Variants in GCN1 observed in about 807,000 individuals in gnomAD.
The protein encoded by GCN1 is stalled ribosome sensor GCN1.
GCN1 carries 90 observed loss-of-function variants against 288.4 expected under a neutral mutation model. The ratio of observed to expected loss-of-function variants is 0.31; its 90% confidence interval spans 0.26 to 0.37. GCN1 has a LOEUF of 0.37. Among genes scored for constraint, GCN1 ranks in the 10% least tolerant of loss-of-function variants. The probability of loss-of-function intolerance (pLI) is 1.00; values close to 1 mark genes in which losing one functional copy is unlikely to be tolerated. For missense variants in GCN1, 2,586 were observed against 3,419.9 expected, an observed-to-expected ratio of 0.76 and a Z score of 6.08; for synonymous variants, 1,386 against 1,420.2, an observed-to-expected ratio of 0.98 and a Z score of 0.54.
intron 1 of GCN1, among the ~76,000 whole-genome samples, chr12:120,193,411 T>G (rs1879070555): frequency 6.6e-6 from 1 of 152,140 alleles, no homozygotes; most frequent in Non-Finnish European, 1.5e-5. Context: ...GTTCAAGCGA[T>G]TCTCATGCCT....
chr12:120,161,343 C>T, intron 22 of GCN1, 147 bp downstream of exon 22: 1 of 636,046 alleles, frequency 1.6e-6, no homozygotes. Flanking sequence ...TGTGCCAGTG[C>T]ACCAGACACT....
intron 33 of GCN1, among the ~76,000 whole-genome samples, chr12:120,152,413 A>AAATATATATATATAAATATATATATATTT (rs1877590617): frequency 7.5e-6 from 1 of 132,934 alleles, no homozygotes; most frequent in African/African-American, 2.9e-5. Flanking sequence ...ACACACACAA[A>AAATATATATATATAAATATATATATATTT]ATATATATAT....
intron 14 of GCN1, among the ~76,000 whole-genome samples, chr12:120,172,511 GTTTC>G (rs1281836405): frequency 2.6e-5 from 4 of 152,094 alleles, no homozygotes; most frequent in South Asian, 4.1e-4. Flanking sequence ...TCTCCTAGAT[GTTTC>G]TTTTTCTTTT....
Position 120,161,995 on chromosome 12 carries a change from T to A in GCN1, c.2227A>T (p.Ile743Phe). ...LSPDRVLPQLISTITASVQNP... is the reference protein window; with the variant it reads ...LSPDRVLPQLFSTITASVQNP... ...TGCACGGAGGCAGTGATGGTGCTGA[T>A]GAGCTGTGGGAGGACCCGGTCCGGC... The change falls in exon 21 of 58, where the codon ATC becomes TTC. Residue 743 changes from isoleucine to phenylalanine, a missense_variant. Ile to Phe is a conservative substitution (Grantham distance 21). Transcript: ENST00000300648. The A allele has an allele frequency of 6.2e-7, 1 of 1,612,786 alleles. No homozygotes were observed.
At chr12:120,165,261 TCCTGG>T (rs1238249900) in intron 16 of GCN1, among the ~76,000 whole-genome samples, 1 of 152,094 alleles carries the variant, frequency 6.6e-6, no homozygotes, top group African/African-American at 2.4e-5. Context: ...GGTCTCGATC[TCCTGG>T]CCTCGTGATC....
At position 120,158,206 on chromosome 12, in the gene GCN1, A is replaced by G. The variant is rs1194799391; in HGVS notation, c.2906-176T>C. On this transcript the variant is annotated intron_variant, in intron 25 of 57. Coordinates refer to ENST00000300648, the MANE Select transcript of GCN1 (RefSeq NM_006836.2). The surrounding 1 kb of genome is among the most constrained non-coding windows in gnomAD (Gnocchi z 4.3). Reference sequence around the variant, plus strand: ...AGCTGGTAGTCCAGTTCTAAAACCAATTCTGCTTCTACTGCCAAACACTGC... The same window carrying G: ...AGCTGGTAGTCCAGTTCTAAAACCAGTTCTGCTTCTACTGCCAAACACTGC... Among the ~76,000 whole-genome samples the G allele has an allele frequency of 1.3e-5, 2 of 152,194 alleles. No individual in the cohort carries two copies. Among genetic ancestry groups the G allele is most frequent in the Non-Finnish European group, 2.9e-5 (2 of 68,026 alleles).
rs1877619292 is a variant in GCN1, at chr12:120,153,061, G to C, written c.4062+152C>G. 4 of 634,722 alleles carry C rather than the reference G, an allele frequency of 6.3e-6. No homozygotes were observed. The highest frequency in any genetic ancestry group is 1.1e-5 in the Non-Finnish European group (4 of 365,626). The allele number at this position is 634,722 out of a possible 1,614,324, so 39.3% of individuals were successfully genotyped here. On this transcript the variant is annotated intron_variant, in intron 33 of 57. Transcript: ENST00000300648. This position sits in a 1 kb window ranked among gnomAD's most constrained non-coding sequence, Gnocchi z 4.4. Reference sequence around the variant, plus strand: ...AGGAGTGTTCCTGACTATAAACCAGGCTCTCCCCTGCGAGAGGGGGTGAAT... The same window carrying C: ...AGGAGTGTTCCTGACTATAAACCAGCCTCTCCCCTGCGAGAGGGGGTGAAT...
rs1367259784 is a variant in GCN1 at position 120,173,773 on chromosome 12, G to A, written c.1246C>T (p.Arg416Ter). 1 of 1,613,686 alleles carries A rather than the reference G, an allele frequency of 6.2e-7. No individual in the cohort carries two copies. Among genetic ancestry groups the A allele is most frequent in the Non-Finnish European group, 8.5e-7 (1 of 1,179,590 alleles). Reference sequence around the variant, plus strand: ...TTCTTGGGCACTTCCATAGTGAATCGGTTACACCAGAGAGCCAGGACTGAG... The same window carrying A: ...TTCTTGGGCACTTCCATAGTGAATCAGTTACACCAGAGAGCCAGGACTGAG... The part of the protein sequence containing the change: ...AVSVLALWCN[R>*]FTMEVPKKLT... The change falls in exon 14 of 58, where the codon CGA becomes TGA. Residue 416 changes from arginine to a stop codon, truncating the protein, a stop_gained. Transcript: ENST00000300648. LOFTEE classifies it high-confidence loss of function.
At chr12:120,176,433 T>G (rs977131220) in intron 9 of GCN1, among the ~76,000 whole-genome samples, 2 of 152,166 alleles carry the variant, frequency 1.3e-5, no homozygotes, top group Non-Finnish European at 2.9e-5. Context: ...CAACACATTT[T>G]ACTAAGATAC....
Position 120,190,263 on chromosome 12 carries a change from A to T in GCN1, c.121+35T>A, listed in dbSNP as rs570589277. On this transcript the variant is annotated intron_variant, in intron 2 of 57. Transcript: ENST00000300648. ...AAAAAGAAAGAAAGAAAAACAATGAATATTGTCCAGGGTATGTGGATGAAA... is the reference window on the plus strand; with the variant it reads ...AAAAAGAAAGAAAGAAAAACAATGATTATTGTCCAGGGTATGTGGATGAAA... 5.8e-6 allele frequency: 6 copies of T among 1,038,964 alleles called. No homozygotes were observed. In the East Asian group the frequency reaches 1.2e-4, roughly 20 times the overall value. The allele number at this position is 1,038,964 out of a possible 1,614,324, so 64.4% of individuals were successfully genotyped here.
chr12:120,140,012 A>G (rs1214648295), intron 45 of GCN1, among the ~76,000 whole-genome samples: 2 of 152,252 alleles, frequency 1.3e-5, no homozygotes, highest in African/African-American at 4.8e-5. Context: ...ACAAGAACTC[A>G]GCCTCTGTGG....
Position 120,137,637 on chromosome 12 carries a change from G to A in GCN1, c.6571C>T (p.Arg2191Trp), listed in dbSNP as rs372488405. 8 of 1,613,928 alleles carry A rather than the reference G, an allele frequency of 5.0e-6. No homozygotes were observed. Among genetic ancestry groups the A allele is most frequent in the South Asian group, 2.2e-5 (2 of 91,084 alleles). Reference protein sequence around the residue: ...RSKADYTSHLRSLVSGLIRLF... With the variant: ...RSKADYTSHLWSLVSGLIRLF... ...CGGATCAGGCCCGAGACCAGGCTCCGCAGGTGGCTGGTGTAGTCAGCCTTT... is the reference window on the plus strand; with the variant it reads ...CGGATCAGGCCCGAGACCAGGCTCCACAGGTGGCTGGTGTAGTCAGCCTTT... The change falls in exon 49 of 58, where the codon CGG (arginine) becomes TGG (tryptophan). Residue 2191 changes from arginine (R) to tryptophan (W), a missense_variant. Arg to Trp is a moderately radical substitution (Grantham distance 101, BLOSUM62 -3). This residue lies in a region of GCN1 where 437 missense variants were observed against 570.5 expected (regional missense o/e 0.77). Transcript: ENST00000300648. The surrounding 1 kb of genome is among the most constrained non-coding windows in gnomAD (Gnocchi z 5.2).
intron 34 of GCN1, among the ~76,000 whole-genome samples, chr12:120,150,371 C>T (rs1414380216): frequency 6.6e-6 from 1 of 151,696 alleles, no homozygotes; most frequent in South Asian, 2.1e-4. Context: ...CTGAGGCAGG[C>T]AGATCACGAG....
At chr12:120,190,959 T>C (rs1245426244) in intron 1 of GCN1, among the ~76,000 whole-genome samples, 1 of 152,222 alleles carries the variant, frequency 6.6e-6, no homozygotes, top group Non-Finnish European at 1.5e-5. Context: ...GCTCTGCCTT[T>C]TACTAGCTGT....
chr12:120,133,704 T>A (rs1471182341), intron 53 of GCN1, among the ~76,000 whole-genome samples: 1 of 152,238 alleles, frequency 6.6e-6, no homozygotes, highest in Admixed American at 6.5e-5. Flanking sequence ...AGAAAGTGAC[T>A]TCTTTAAGAT....
chr12:120,131,951 A>T lies in GCN1; in HGVS notation c.7389T>A (p.Ser2463Arg), dbSNP rs1247748463. Residue 2463 changes from serine (S) to arginine (R), a missense_variant, in exon 54 of 58, where the codon AGT (serine) becomes AGA (arginine). By Grantham distance (110) the Ser-to-Arg change is moderately radical. Coordinates refer to ENST00000300648, the MANE Select transcript of GCN1 (RefSeq NM_006836.2). ...CCAGCAAGCACTGCTGTAGAACGGC[A>T]CTAAGCTCCTCTTCAGTCAAAAAGG... Reference protein sequence around the residue: ...LCAFLTEEELSAVLQQCLLAD... With the variant: ...LCAFLTEEELRAVLQQCLLAD... 1.9e-6 allele frequency: 3 copies of T among 1,604,840 alleles called. No homozygotes were observed. The highest frequency in any genetic ancestry group is 2.6e-6 in the Non-Finnish European group (3 of 1,174,828).
chr12:120,133,299 C>T (rs1488669357), intron 53 of GCN1, among the ~76,000 whole-genome samples: 1 of 152,230 alleles, frequency 6.6e-6, no homozygotes, highest in East Asian at 1.9e-4. Flanking sequence ...TAGACCACAA[C>T]AGAGGGCTGT....
At chr12:120,154,203 G>A (rs774810340) in intron 31 of GCN1, among the ~76,000 whole-genome samples, 28 of 152,268 alleles carry the variant, frequency 1.8e-4, no homozygotes, top group Non-Finnish European at 3.2e-4. Context: ...TACCTGCAAA[G>A]CAGGTTGTAA....
chr12:120,163,859 G>A (rs921243241), intron 18 of GCN1, among the ~76,000 whole-genome samples: 22 of 152,160 alleles, frequency 1.4e-4, no homozygotes, highest in African/African-American at 5.1e-4. Flanking sequence ...ACGGTGGCTC[G>A]TGCCTGTAAT....
Sources: allele counts gnomAD v4.1 joint callset (sites outside exome capture counted in the v4.1 genomes callset), GRCh38; gene constraint gnomAD v4.1.1; regional missense constraint gnomAD v4.1.1; non-coding constraint Gnocchi (gnomAD v3.1); transcripts MANE v1.5; gene names NCBI Gene and HGNC (gene_info 2026-07-23, HGNC 2026-07-21).